Variants in JUP observed in about 807,000 individuals in gnomAD.
JUP encodes the protein junction plakoglobin.
A neutral mutation model predicts 71.1 loss-of-function variants in JUP; 28 were observed. The observed-to-expected ratio is 0.39, with a 90% CI of 0.29 to 0.54. The LOEUF (loss-of-function observed/expected upper bound fraction) is 0.54, where lower values mean the gene tolerates loss of function less well. Ranked by LOEUF, JUP falls within the 20% of genes least tolerant of loss-of-function variation. The pLI, the probability that JUP is intolerant of heterozygous loss-of-function variation, is 0.62. For missense variants in JUP, 869 were observed against 1,030.1 expected, an observed-to-expected ratio of 0.84 and a Z score of 2.14; for synonymous variants, 401 against 438.9, an observed-to-expected ratio of 0.91 and a Z score of 1.08.
intron 1 of JUP, among the ~76,000 whole-genome samples, chr17:41,784,428 G>A (rs1474683132): frequency 3.9e-5 from 6 of 152,094 alleles, no homozygotes; most frequent in Admixed American, 1.3e-4. Context: ...CCAGTCAGTG[G>A]CCAGTTTTCA....
At chr17:41,762,865 C>T (rs1915120518) in intron 8 of JUP, 118 bp downstream of exon 8, 1 of 775,270 alleles carries the variant, frequency 1.3e-6, no homozygotes, top group African/African-American at 1.7e-5. Flanking sequence ...GAGAAATAAA[C>T]TTCTGTCTTA....
At chr17:41,785,597 C>A (rs953703125) in intron 1 of JUP, among the ~76,000 whole-genome samples, 1 of 152,192 alleles carries the variant, frequency 6.6e-6, no homozygotes, top group Non-Finnish European at 1.5e-5. Flanking sequence ...CCAGGAAGGA[C>A]CCCCTAAGCC....
chr17:41,764,004 C>A (rs1006135041), intron 7 of JUP, among the ~76,000 whole-genome samples: 1 of 152,140 alleles, frequency 6.6e-6, no homozygotes, highest in South Asian at 2.1e-4. Flanking sequence ...ATCTAACCCA[C>A]AGGGTCCCAC....
chr17:41,770,985 C>T (rs1916557538), intron 2 of JUP, among the ~76,000 whole-genome samples: 1 of 152,254 alleles, frequency 6.6e-6, no homozygotes, highest in African/African-American at 2.4e-5. Flanking sequence ...TCCCTGCCAT[C>T]CATGGGCTCC....
chr17:41,769,388 GC>G, intron 3 of JUP, 29 bp downstream of exon 3: 1 of 1,598,066 alleles, frequency 6.3e-7, no homozygotes, highest in East Asian at 2.3e-5. Flanking sequence ...TCCCTGCCCA[GC>G]CCCCACCCTA....
intron 1 of JUP, chr17:41,775,932 G>A (rs1325190725): frequency 9.2e-6 from 9 of 981,792 alleles, no homozygotes; most frequent in Non-Finnish European, 1.1e-5. Context: ...GACTGACCTG[G>A]CAGAGTGTGG....
intron 1 of JUP, among the ~76,000 whole-genome samples, chr17:41,785,321 C>T (rs1264062480): frequency 6.6e-6 from 1 of 152,098 alleles, no homozygotes; most frequent in Non-Finnish European, 1.5e-5. Flanking sequence ...CAGCCCTGCC[C>T]CACCCCCATT....
chr17:41,757,264 T>C, intron 12 of JUP, 151 bp downstream of exon 12: 1 of 924,034 alleles, frequency 1.1e-6, no homozygotes. Context: ...TTCAACCCAC[T>C]ACTTCCATCT....
At chr17:41,777,912 C>A (rs554718013) in intron 1 of JUP, among the ~76,000 whole-genome samples, 1 of 152,278 alleles carries the variant, frequency 6.6e-6, no homozygotes, top group South Asian at 2.1e-4. Context: ...GCTGGTGACC[C>A]CCGTGGGCAG....
rs188641310 is a variant in JUP at position 41,764,577 on chromosome 17, C to T, written c.1158+136G>A. ...AAAAAAGAGATGAGGGTTTTCAAGG[C>T]ATTTCCAGCCTCAGTCACAAGGAAG... On this transcript the variant is annotated intron_variant, in intron 7 of 13. Transcript: ENST00000393931. The T allele has an allele frequency of 2.2e-4, 132 of 590,268 alleles. No individual in the cohort carries two copies. In the East Asian group the frequency reaches 4.1e-3, roughly 19 times the overall value. 36.6% of individuals were successfully genotyped at this position (590,268 alleles called of 1,614,324 possible). A position where few individuals can be genotyped will look rare whatever the true frequency, so the allele number is the denominator to read the frequency against.
In JUP at chr17:41,755,805, A is replaced by G; in HGVS notation, c.2177T>C (p.Ile726Thr). ...MHMDMDGDYPIDTYSDGLRPP... is the reference protein window; with the variant it reads ...MHMDMDGDYPTDTYSDGLRPP... ...CCTGAGGCCGTCGCTGTAGGTGTCG[A>G]TGGGGTAGTCTCCATCCATGTCCAT... Residue 726 changes from isoleucine to threonine, a missense_variant, in exon 14 of 14, where the codon ATC (isoleucine) becomes ACC (threonine). Transcript: ENST00000393931. The G allele has an allele frequency of 6.2e-7, 1 of 1,613,008 alleles. No homozygotes were observed. Among genetic ancestry groups the G allele is most frequent in the Non-Finnish European group, 8.5e-7 (1 of 1,179,516 alleles).
intron 1 of JUP, chr17:41,772,124 CA>C (rs782503073): frequency 7.1e-6 from 4 of 562,532 alleles, no homozygotes; most frequent in Non-Finnish European, 1.3e-5. Flanking sequence ...TCTGACCTCC[CA>C]GGGGGATGAG....
At chr17:41,756,322 G>A (rs1913736298) in intron 12 of JUP, 108 bp from the exon 13 acceptor site, 4 of 1,131,866 alleles carry the variant, frequency 3.5e-6, no homozygotes, top group Admixed American at 1.9e-5. Context: ...GGGCCAGGCT[G>A]GGTGCCATGG....
chr17:41,776,954 C>T (rs782744013), intron 1 of JUP, among the ~76,000 whole-genome samples: 1 of 151,964 alleles, frequency 6.6e-6, no homozygotes, highest in Non-Finnish European at 1.5e-5. Context: ...TGCAGTGAGC[C>T]GAGATCGCAC....
intron 8 of JUP, among the ~76,000 whole-genome samples, chr17:41,760,212 TAG>T (rs1555600486): frequency 6.6e-6 from 1 of 151,902 alleles, no homozygotes; most frequent in Non-Finnish European, 1.5e-5. Flanking sequence ...TAGAATCACT[TAG>T]AGTCATTCTT....
rs199853316 is a variant in JUP, at chr17:41,769,439, T to C, written c.447A>G (p.Lys149=). Residue 149 remains lysine (K), a synonymous_variant, in exon 3 of 14, where the codon AAA becomes AAG. Transcript: ENST00000393931. ...AGACCGGGTCCTCGTCGTTGAGCAG[T>C]TTGGTGAGCTCGGGCAGGGCGCGAG... ...LATRALPELT[K]LLNDEDPVVV... 12 of 1,612,700 alleles carry C rather than the reference T, an allele frequency of 7.4e-6. No homozygotes were observed. In the Admixed American group the frequency reaches 1.5e-4, roughly 20 times the overall value.
At chr17:41,780,086 G>A (rs540162522) in intron 1 of JUP, among the ~76,000 whole-genome samples, 1 of 152,284 alleles carries the variant, frequency 6.6e-6, no homozygotes, top group East Asian at 1.9e-4. Context: ...TGTCTCCATG[G>A]TAGGGAAAGA....
chr17:41,769,617 C>A lies in JUP; in HGVS notation c.269G>T (p.Cys90Phe). 1.2e-6 allele frequency: 2 copies of A among 1,605,570 alleles called. No homozygotes were observed. The highest frequency in any genetic ancestry group is 1.7e-6 in the Non-Finnish European group (2 of 1,176,954). Residue 90 changes from cysteine (C) to phenylalanine (F), a missense_variant, in exon 3 of 14, where the codon TGC becomes TTC. Cys to Phe is a radical substitution (Grantham distance 205). Transcript: ENST00000393931. Reference sequence around the variant, plus strand: ...GCTGTCCTCGCCTGACACACCAGGGCACATGGCCTCCCGCACCCGTTTGGC... The same window carrying A: ...GCTGTCCTCGCCTGACACACCAGGGAACATGGCCTCCCGCACCCGTTTGGC... The part of the protein sequence containing the change: ...ARAKRVREAM[C>F]PGVSGEDSSL...
rs191683892 is a variant in JUP, at chr17:41,769,600, C to T, written c.286G>A (p.Glu96Lys). 16 of 1,605,290 alleles carry T rather than the reference C, an allele frequency of 1.0e-5. No homozygotes were observed. The highest frequency in any genetic ancestry group is 4.0e-5 in the African/African-American group (3 of 75,018). The change falls in exon 3 of 14, where the codon GAG becomes AAG. Residue 96 changes from glutamate to lysine, a missense_variant. Coordinates refer to ENST00000393931, the MANE Select transcript of JUP (RefSeq NM_002230.4). Reference sequence around the variant, plus strand: ...GTGGCCAGCAGAAGCGAGCTGTCCTCGCCTGACACACCAGGGCACATGGCC... The same window carrying T: ...GTGGCCAGCAGAAGCGAGCTGTCCTTGCCTGACACACCAGGGCACATGGCC... ...REAMCPGVSG[E>K]DSSLLLATQV...
Sources: gnomAD v4.1 joint callset for allele counts (sites outside exome capture counted in the v4.1 genomes callset) on GRCh38, gnomAD v4.1.1 for gene constraint, MANE v1.5 for transcripts, NCBI Gene and HGNC (gene_info 2026-07-23, HGNC 2026-07-21) for gene names.